The following GMEB2 variants were observed in gnomAD, a reference collection of about 807,000 sequenced individuals.
GMEB2 encodes glucocorticoid modulatory element-binding protein 2.
Under a neutral mutation model 45.7 loss-of-function variants are expected in GMEB2, and 7 were observed. The observed-to-expected ratio is 0.15, with a 90% confidence interval of 0.09 to 0.29. The LOEUF is 0.29. Among genes scored for constraint, GMEB2 ranks in the 10% least tolerant of loss-of-function variants. The pLI is 1.00. For synonymous variants in GMEB2, 322 were observed against 323.6 expected (o/e 1.00, Z 0.05); for missense variants, 582 against 739.2 (o/e 0.79, Z 2.47).
chr20:63,622,854 G>A (rs895708116), intron 1 of GMEB2, among the ~76,000 whole-genome samples: 4 of 152,190 alleles, frequency 2.6e-5, no homozygotes, highest in Non-Finnish European at 4.4e-5. Flanking sequence ...AAAAGAAACC[G>A]TGGGGAGCTG....
chr20:63,620,526 G>A (rs1280411494), intron 1 of GMEB2, among the ~76,000 whole-genome samples: 4 of 152,174 alleles, frequency 2.6e-5, no homozygotes, highest in African/African-American at 9.7e-5. Context: ...TGAGCGCCTG[G>A]GTCGTCCCAA....
rs1235995619 is a variant in GMEB2, at chr20:63,609,066, T to G, written c.132-4226A>C. On this transcript the variant is annotated intron_variant, in intron 2 of 9. Coordinates refer to ENST00000370077, the MANE Select transcript of GMEB2 (RefSeq NM_012384.5). ...ACCTCCATTTCTAGAAACATGCCCC[T>G]GACCCCACACCTCCATTTCTAGAAA... 7.1e-4 allele frequency among the ~76,000 whole-genome samples: 28 copies of G among 39,420 alleles called. 3 individuals carry two copies. Among genetic ancestry groups the G allele is most frequent in the African/African-American group, 2.0e-3 (25 of 12,204 alleles). The allele number at this position is 39,420 out of a possible 152,430, so 25.9% of individuals were successfully genotyped here.
chr20:63,614,186 T>C (rs895055705), intron 2 of GMEB2, among the ~76,000 whole-genome samples: 8 of 152,206 alleles, frequency 5.3e-5, no homozygotes, highest in African/African-American at 1.9e-4. Context: ...AATATGATTA[T>C]ATATGAATAT....
intron 1 of GMEB2, among the ~76,000 whole-genome samples, chr20:63,623,086 G>A (rs769962808): frequency 1.4e-4 from 21 of 152,342 alleles, no homozygotes; most frequent in Non-Finnish European, 2.5e-4. Flanking sequence ...GACTAAGTGC[G>A]AGGGACAAGA....
In GMEB2 at chr20:63,592,501, T is replaced by G. The variant is rs760546140; in HGVS notation, c.829+32A>C. 1 of 1,576,800 alleles carries G rather than the reference T, an allele frequency of 6.3e-7. No homozygotes were observed. Among genetic ancestry groups the G allele is most frequent in the Non-Finnish European group, 8.7e-7 (1 of 1,150,482 alleles). On this transcript the variant is annotated intron_variant, in intron 8 of 9. Coordinates refer to ENST00000370077, the MANE Select transcript of GMEB2 (RefSeq NM_012384.5). The surrounding 1 kb of genome is among the most constrained non-coding windows in gnomAD (Gnocchi z 8.2). ...CTCCTGCAGAGACTCCTGGGCTGAGTAGCCAGCAAGAGGGAAGATGCAGCT... is the reference window on the plus strand; with the variant it reads ...CTCCTGCAGAGACTCCTGGGCTGAGGAGCCAGCAAGAGGGAAGATGCAGCT...
At chr20:63,620,934 G>A (rs1241371977) in intron 1 of GMEB2, among the ~76,000 whole-genome samples, 1 of 152,150 alleles carries the variant, frequency 6.6e-6, no homozygotes, top group Non-Finnish European at 1.5e-5. Flanking sequence ...AGACTTTCAG[G>A]TGCTATCGGA....
intron 2 of GMEB2, among the ~76,000 whole-genome samples, chr20:63,617,614 A>ATGGCT: frequency 6.6e-6 from 1 of 151,906 alleles, no homozygotes. Flanking sequence ...CCACGGAGTC[A>ATGGCT]CGGCTCGGGT....
intron 2 of GMEB2, among the ~76,000 whole-genome samples, chr20:63,611,272 T>C (rs1214355327): frequency 6.6e-6 from 1 of 152,206 alleles, no homozygotes; most frequent in African/African-American, 2.4e-5. Flanking sequence ...CACTGTGCCA[T>C]GAGGCAGAGG....
intron 5 of GMEB2, 77 bp from the exon 6 acceptor site, chr20:63,595,844 G>C (rs917424646): frequency 5.8e-6 from 8 of 1,376,852 alleles, no homozygotes; most frequent in Middle Eastern, 1.8e-4. Flanking sequence ...CCTGACCTGG[G>C]CCATCCACCT....
At chr20:63,607,712 C>T (rs62206987) in intron 2 of GMEB2, among the ~76,000 whole-genome samples, 10 of 8,042 alleles carry the variant, frequency 1.2e-3, no homozygotes, top group Admixed American at 2.2e-3. Flanking sequence ...CCCTGTGACC[C>T]CACCTCCATT....
intron 6 of GMEB2, among the ~76,000 whole-genome samples, chr20:63,595,234 G>A (rs1219386857): frequency 2.9e-5 from 4 of 136,422 alleles, no homozygotes; most frequent in Admixed American, 1.7e-4. Context: ...TCCGTAAACC[G>A]CCAGGTCAGG....
chr20:63,614,269 G>A (rs976602271), intron 2 of GMEB2, among the ~76,000 whole-genome samples: 1 of 151,986 alleles, frequency 6.6e-6, no homozygotes, highest in Non-Finnish European at 1.5e-5. Context: ...CATAACCTAG[G>A]AAAAACTAGG....
intron 4 of GMEB2, among the ~76,000 whole-genome samples, chr20:63,599,597 G>A (rs1403184440): frequency 2.0e-5 from 3 of 152,196 alleles, no homozygotes; most frequent in Non-Finnish European, 2.9e-5. Context: ...CACGGCCGGC[G>A]GGATTCTTGC....
chr20:63,621,622 G>A (rs964903921), intron 1 of GMEB2, among the ~76,000 whole-genome samples: 2 of 131,788 alleles, frequency 1.5e-5, no homozygotes, highest in African/African-American at 2.9e-5. Flanking sequence ...AGCCGAGATC[G>A]TGCCACTGCA....
intron 4 of GMEB2, among the ~76,000 whole-genome samples, chr20:63,602,535 C>A (rs1187799624): frequency 2.0e-5 from 3 of 152,218 alleles, no homozygotes; most frequent in Non-Finnish European, 4.4e-5. Flanking sequence ...CTTTCTTAGC[C>A]CGTGTGAGGC....
At chr20:63,607,199 GACCC>G (rs1479276293) in intron 2 of GMEB2, among the ~76,000 whole-genome samples, 4 of 119,146 alleles carry the variant, frequency 3.4e-5, no homozygotes, top group African/African-American at 3.3e-5. Flanking sequence ...ATGCCCCTCT[GACCC>G]ACCTCCATTT....
In GMEB2 at chr20:63,604,705, G is replaced by T. The variant is rs561441047; in HGVS notation, c.229+38C>A. 5 of 1,110,378 alleles carry T rather than the reference G, an allele frequency of 4.5e-6. No individual in the cohort carries two copies. In the African/African-American group the frequency reaches 6.1e-5, roughly 14 times the overall value. 68.8% of individuals were successfully genotyped at this position (1,110,378 alleles called of 1,614,324 possible). On this transcript the variant is annotated intron_variant, in intron 3 of 9. Transcript: ENST00000370077. ...GCAGGACTGTCCTGTCCCTGCTGCG[G>T]CAAGAAGGCAGACTTCCCACCTAGG...
chr20:63,616,553 G>C (rs565568863), intron 2 of GMEB2, among the ~76,000 whole-genome samples: 99 of 152,374 alleles, frequency 6.5e-4, no homozygotes, highest in African/African-American at 2.3e-3. Flanking sequence ...AGGAGCAGGA[G>C]GGTGCGCGCA....
rs2146045498 is a variant in GMEB2, at chr20:63,592,752, T to C, written c.692-82A>G. ...CACCACAGCCACAAGGACATCACCA[T>C]AGCCACGAGGACACCATGCCAGAGC... On this transcript the variant is annotated intron_variant, in intron 7 of 9. Transcript: ENST00000370077. The surrounding 1 kb of genome is among the most constrained non-coding windows in gnomAD (Gnocchi z 8.2). 2 of 1,148,232 alleles carry C rather than the reference T, an allele frequency of 1.7e-6. No homozygotes were observed. Among genetic ancestry groups the C allele is most frequent in the South Asian group, 1.2e-5 (1 of 81,660 alleles). The allele number at this position is 1,148,232 out of a possible 1,614,324, so 71.1% of individuals were successfully genotyped here.
Sources: allele counts gnomAD v4.1 joint callset (sites outside exome capture counted in the v4.1 genomes callset), GRCh38; gene constraint gnomAD v4.1.1; non-coding constraint Gnocchi (gnomAD v3.1); transcripts MANE v1.5; gene names NCBI Gene and HGNC (gene_info 2026-07-23, HGNC 2026-07-21).